Variants in MYH16 observed in about 807,000 individuals in gnomAD.
The protein encoded by MYH16 is myosin heavy chain 16, also known as putative uncharacterized protein MYH16.
chr7:99,298,966 C>T (rs984283272), intron 36 of MYH16, among the ~76,000 whole-genome samples: 1 of 151,858 alleles, frequency 6.6e-6, no homozygotes, highest in Admixed American at 6.6e-5. Flanking sequence ...GTGGCTCACG[C>T]CTGTAATCCT....
intron 1 of MYH16, among the ~76,000 whole-genome samples, chr7:99,240,809 C>T (rs1791658350): frequency 6.7e-6 from 1 of 148,814 alleles, no homozygotes; most frequent in African/African-American, 2.5e-5. Context: ...TGCTGCACTC[C>T]AGCCTGGGTG....
chr7:99,281,798 C>T (rs1040217273), intron 23 of MYH16, among the ~76,000 whole-genome samples: 3 of 152,200 alleles, frequency 2.0e-5, no homozygotes, highest in African/African-American at 7.2e-5. Context: ...AATGCAGAGC[C>T]GGCTCTGACC....
At chr7:99,304,394 C>T (rs1047517313) in intron 39 of MYH16, among the ~76,000 whole-genome samples, 192 bp from the exon 21 acceptor site, 1 of 152,270 alleles carries the variant, frequency 6.6e-6, no homozygotes, top group South Asian at 2.1e-4. Context: ...TTGGCTCCCC[C>T]TCCCCTCTCG....
At chr7:99,271,311 C>T (rs922441967) in intron 19 of MYH16, among the ~76,000 whole-genome samples, 1 of 152,186 alleles carries the variant, frequency 6.6e-6, no homozygotes, top group African/African-American at 2.4e-5. Context: ...GAGTTCAAGA[C>T]CAGCCTGGCC....
chr7:99,300,986 G>A (rs1316585276), intron 37 of MYH16, among the ~76,000 whole-genome samples: 1 of 152,022 alleles, frequency 6.6e-6, no homozygotes, highest in Non-Finnish European at 1.5e-5. Flanking sequence ...CTTGAGGTCA[G>A]GAGTTTGAGA....
At chr7:99,307,474 AG>A (rs1792698070), downstream of MYH16, among the ~76,000 whole-genome samples, 1 of 152,184 alleles carries the variant, frequency 6.6e-6, no homozygotes, top group African/African-American at 2.4e-5. Context: ...TGTAAATCCT[AG>A]TACTTTCAGA....
At chr7:99,272,580 A>G (rs1226863202) in intron 19 of MYH16, among the ~76,000 whole-genome samples, 2 of 151,836 alleles carry the variant, frequency 1.3e-5, no homozygotes, top group African/African-American at 4.8e-5. Context: ...CATCTCTACA[A>G]AAAAAAACAG....
At chr7:99,296,530 C>A (rs1234586329) in intron 33 of MYH16, among the ~76,000 whole-genome samples, 171 bp from the exon 15 acceptor site, 1 of 151,586 alleles carries the variant, frequency 6.6e-6, no homozygotes, top group Non-Finnish European at 1.5e-5. Flanking sequence ...TTTGCAGACT[C>A]TCTGTTCTGT....
downstream of MYH16, among the ~76,000 whole-genome samples, chr7:99,308,412 T>C (rs1370728125): frequency 3.3e-5 from 5 of 150,654 alleles, no homozygotes; most frequent in Non-Finnish European, 7.4e-5. Context: ...TGGGAGTAGA[T>C]CTAAAAGGAG....
At chr7:99,286,354 T>G (rs899764298) in intron 27 of MYH16, 1 of 152,580 alleles carries the variant, frequency 6.6e-6, no homozygotes, top group Non-Finnish European at 1.5e-5. Context: ...AGGTGAAGGT[T>G]GCAGTGAGTC....
chr7:99,282,668 G>T (rs556548879), intron 23 of MYH16, among the ~76,000 whole-genome samples: 1 of 151,626 alleles, frequency 6.6e-6, no homozygotes, highest in Non-Finnish European at 1.5e-5. Context: ...ATGGAGCTTC[G>T]CACTCTCACC....
At chr7:99,256,944 C>A (rs1791879503) in intron 9 of MYH16, among the ~76,000 whole-genome samples, 1 of 152,178 alleles carries the variant, frequency 6.6e-6, no homozygotes, top group African/African-American at 2.4e-5. Context: ...AAGTAAGACC[C>A]TATCTCAAAA....
chr7:99,268,603 C>T (rs939371775), intron 18 of MYH16, among the ~76,000 whole-genome samples: 1 of 152,210 alleles, frequency 6.6e-6, no homozygotes, highest in Admixed American at 6.5e-5. Context: ...GTTTTGCTCC[C>T]TGAGGACTAG....
intron 32 of MYH16, 82 bp from the exon 14 acceptor site, chr7:99,293,936 C>T (rs1792431066): frequency 1.1e-5 from 4 of 372,034 alleles, no homozygotes; most frequent in Non-Finnish European, 2.1e-5. Flanking sequence ...CCATGCCCAC[C>T]ACACTCTGAC....
intron 32 of MYH16, among the ~76,000 whole-genome samples, chr7:99,293,070 G>T (rs1452458100): frequency 6.6e-6 from 1 of 152,158 alleles, no homozygotes; most frequent in African/African-American, 2.4e-5. Flanking sequence ...GGGTGTCCCT[G>T]GGCCCATGCA....
intron 36 of MYH16, among the ~76,000 whole-genome samples, chr7:99,298,615 A>C (rs1176836419): frequency 1.3e-5 from 2 of 152,200 alleles, no homozygotes; most frequent in African/African-American, 4.8e-5. Flanking sequence ...CTGTTTGTAT[A>C]TCTTCGGAGA....
chr7:99,290,331 T>C (rs986186873), intron 30 of MYH16, among the ~76,000 whole-genome samples: 34 of 143,996 alleles, frequency 2.4e-4, no homozygotes, highest in Non-Finnish European at 4.8e-4. Context: ...CAAAACAATG[T>C]TTTTAAATAG....
At position 99,269,865 on chromosome 7, in the gene MYH16, CTTTT is replaced by C. The variant is rs983455403; in HGVS notation, n.2267-1069_2267-1066del. On this transcript the variant is annotated intron_variant and non_coding_transcript_variant, in intron 18 of 41. Transcript: ENST00000439784. ...TATACATTAGACTCATCTGGGGACA[CTTTT>C]TTTTTTTTTTTTTTTTTTTTTTGAG... 2.5e-3 allele frequency among the ~76,000 whole-genome samples: 265 copies of C among 107,666 alleles called. 1 individual carries two copies. The highest frequency in any genetic ancestry group is 3.3e-3 in the Admixed American group (34 of 10,272). The allele number at this position is 107,666 out of a possible 152,430, so 70.6% of individuals were successfully genotyped here.
At chr7:99,247,037 CATCCT>C (rs1200298073) in intron 2 of MYH16, among the ~76,000 whole-genome samples, 1 of 152,100 alleles carries the variant, frequency 6.6e-6, no homozygotes, top group African/African-American at 2.4e-5. Context: ...GATGTGACCC[CATCCT>C]AAGTTGAGGA....
Sources: gnomAD v4.1 joint callset for allele counts (sites outside exome capture counted in the v4.1 genomes callset) on GRCh38, gnomAD v4.1.1 for gene constraint, MANE v1.5 for transcripts, NCBI Gene and HGNC (gene_info 2026-07-23, HGNC 2026-07-21) for gene names.